LINGO2: variants seen among roughly 807,000 people sequenced by gnomAD.
The protein encoded by LINGO2 is leucine-rich repeat and immunoglobulin-like domain-containing nogo receptor-interacting protein 2.
A neutral mutation model predicts 30.6 loss-of-function variants in LINGO2; 14 were observed. That is an observed-to-expected ratio of 0.46 (90% CI 0.30 to 0.72). The LOEUF (loss-of-function observed/expected upper bound fraction) is 0.72. LINGO2 is among the 30% of genes least tolerant of loss of function. The pLI, the probability that LINGO2 is intolerant of heterozygous loss-of-function variation, is 0.07. For synonymous variants in LINGO2, 317 were observed against 288.5 expected (o/e 1.10, Z -1.00); for missense variants, 729 against 751.7 (o/e 0.97, Z 0.35).
intron 4 of LINGO2, among the ~76,000 whole-genome samples, chr9:28,091,301 C>G (rs960374012): frequency 3.3e-5 from 5 of 152,318 alleles, no homozygotes; most frequent in Non-Finnish European, 5.9e-5. Flanking sequence ...ATCATGCTAC[C>G]TGACTTCAAA....
chr9:28,296,749 C>G (rs956803126), intron 3 of LINGO2, among the ~76,000 whole-genome samples: 3 of 152,088 alleles, frequency 2.0e-5, no homozygotes, highest in Non-Finnish European at 4.4e-5. Flanking sequence ...AAAGCAGGAG[C>G]GTTATGTTGA....
At chr9:28,279,847 G>T (rs1410518755) in intron 4 of LINGO2, among the ~76,000 whole-genome samples, 2 of 152,060 alleles carry the variant, frequency 1.3e-5, no homozygotes, top group African/African-American at 4.8e-5. Flanking sequence ...TCTCCAGAAT[G>T]AATCTAGCTT....
At chr9:28,111,284 C>T (rs993404875) in intron 4 of LINGO2, among the ~76,000 whole-genome samples, 1 of 151,802 alleles carries the variant, frequency 6.6e-6, no homozygotes, top group Non-Finnish European at 1.5e-5. Context: ...ATACCTAACA[C>T]ATGTGGGGCC....
intron 2 of LINGO2, among the ~76,000 whole-genome samples, chr9:28,465,197 C>T (rs987112089): frequency 2.0e-5 from 3 of 152,128 alleles, no homozygotes; most frequent in African/African-American, 7.2e-5. Flanking sequence ...GGGTCCTTGT[C>T]CTCTCATTCC....
the LINGO2 span, among the ~76,000 whole-genome samples, chr9:29,169,089 A>T: frequency 2.0e-5 from 3 of 152,210 alleles, no homozygotes; most frequent in East Asian, 5.8e-4. Context: ...CTGGGATTAC[A>T]GGCATGCACC....
At chr9:29,163,613 G>T in the LINGO2 span, among the ~76,000 whole-genome samples, 1 of 152,102 alleles carries the variant, frequency 6.6e-6, no homozygotes, top group African/African-American at 2.4e-5. Flanking sequence ...ACACATAGTA[G>T]ACATATACTC....
At chr9:28,669,006 T>C (rs1374428779) in intron 1 of LINGO2, among the ~76,000 whole-genome samples, 2 of 152,112 alleles carry the variant, frequency 1.3e-5, no homozygotes, top group African/African-American at 4.8e-5. Context: ...ATGCCTTTAA[T>C]TTTTAAAAAA....
At chr9:28,441,521 A>G (rs949429460) in intron 2 of LINGO2, among the ~76,000 whole-genome samples, 2 of 151,596 alleles carry the variant, frequency 1.3e-5, no homozygotes, top group Non-Finnish European at 1.5e-5. Context: ...AGGAAATGTG[A>G]CTCCAGATAA....
At chr9:28,400,566 G>A (rs1464781819) in intron 2 of LINGO2, among the ~76,000 whole-genome samples, 1 of 152,190 alleles carries the variant, frequency 6.6e-6, no homozygotes, top group Non-Finnish European at 1.5e-5. Flanking sequence ...ACTAAGGGAT[G>A]TAAAAGTGCC....
At chr9:28,346,950 TG>T (rs201402789) in intron 3 of LINGO2, among the ~76,000 whole-genome samples, 2,893 of 152,306 alleles carry the variant, frequency 0.019, 103 homozygotes, top group African/African-American at 0.066. Context: ...ATACATAGTT[TG>T]CAAATATTTT....
the LINGO2 span, among the ~76,000 whole-genome samples, chr9:28,793,948 C>G: frequency 6.6e-6 from 1 of 152,130 alleles, no homozygotes; most frequent in Non-Finnish European, 1.5e-5. Context: ...GTCAGAAAAA[C>G]ATAAATAAAT....
chr9:28,683,759 T>A, the LINGO2 span, among the ~76,000 whole-genome samples: 1 of 152,176 alleles, frequency 6.6e-6, no homozygotes, highest in Non-Finnish European at 1.5e-5. Flanking sequence ...ATTCACTCAT[T>A]CAGCAGCTGC....
chr9:28,121,771 C>T (rs1418030982), intron 4 of LINGO2, among the ~76,000 whole-genome samples: 1 of 152,076 alleles, frequency 6.6e-6, no homozygotes, highest in Non-Finnish European at 1.5e-5. Context: ...ATAAAGAAAA[C>T]CTGCACACTT....
chr9:28,018,248 A>G (rs1822939597), intron 4 of LINGO2, among the ~76,000 whole-genome samples: 1 of 152,172 alleles, frequency 6.6e-6, no homozygotes, highest in Admixed American at 6.6e-5. Context: ...CTAAAACTAT[A>G]AAAGTCCCAG....
chr9:28,693,093 A>G, the LINGO2 span, among the ~76,000 whole-genome samples: 2 of 152,030 alleles, frequency 1.3e-5, no homozygotes, highest in African/African-American at 2.4e-5. Context: ...TCAGCATTTT[A>G]GTTTTCCTCT....
intron 4 of LINGO2, among the ~76,000 whole-genome samples, chr9:28,186,504 C>T (rs1819547652): frequency 1.3e-5 from 2 of 151,718 alleles, no homozygotes; most frequent in African/African-American, 4.8e-5. Flanking sequence ...ACAGATGAGA[C>T]AATGAACAAA....
the LINGO2 span, among the ~76,000 whole-genome samples, chr9:29,029,596 T>TA: frequency 6.6e-6 from 1 of 152,144 alleles, no homozygotes; most frequent in African/African-American, 2.4e-5. Context: ...AAAACAGTGA[T>TA]AGATTTTTAC....
At chr9:28,122,400 C>T (rs1827121776) in intron 4 of LINGO2, among the ~76,000 whole-genome samples, 1 of 152,178 alleles carries the variant, frequency 6.6e-6, no homozygotes, top group South Asian at 2.1e-4. Context: ...GGCTTCACTA[C>T]ATTCCAAATA....
chr9:28,749,753 AT>A, the LINGO2 span, among the ~76,000 whole-genome samples: 1 of 152,112 alleles, frequency 6.6e-6, no homozygotes, highest in Non-Finnish European at 1.5e-5. Flanking sequence ...TTGTGAGTAG[AT>A]GACCAACAAT....
Sources: gnomAD v4.1 joint callset for allele counts (sites outside exome capture counted in the v4.1 genomes callset) on GRCh38, gnomAD v4.1.1 for gene constraint, MANE v1.5 for transcripts, NCBI Gene and HGNC (gene_info 2026-07-23, HGNC 2026-07-21) for gene names.